HERC1: variants seen among roughly 807,000 people sequenced by gnomAD.
HERC1 encodes probable E3 ubiquitin-protein ligase HERC1.
Under a neutral mutation model 554.3 loss-of-function variants are expected in HERC1, and 160 were observed. That is an observed-to-expected ratio of 0.29 (90% CI 0.25 to 0.33). The LOEUF is 0.33. Ranked by LOEUF, HERC1 falls within the 10% of genes least tolerant of loss-of-function variation. The pLI is 1.00. For synonymous variants in HERC1, 2,175 were observed against 2,131.7 expected (o/e 1.02, Z -0.56); for missense variants, 4,919 against 5,918.5 (o/e 0.83, Z 5.54).
In HERC1 at chr15:63,674,912, C is replaced by G; in HGVS notation, c.7276G>C (p.Gly2426Arg). 1 of 1,614,028 alleles carries G rather than the reference C, an allele frequency of 6.2e-7. No individual in the cohort carries two copies. The highest frequency in any genetic ancestry group is 8.5e-7 in the Non-Finnish European group (1 of 1,179,876). ...KKHRHESEEK[G>R]DVEQKPESES... ...CTCTCAGGTTTCTGCTCAACATCCC[C>G]TTTCTCCTCGGATTCATGTCGGTGT... Residue 2426 changes from glycine (G) to arginine (R), a missense_variant, in exon 38 of 78, where the codon GGG becomes CGG. By Grantham distance (125) the Gly-to-Arg change is moderately radical. Around this residue, in one of 11 missense-constraint regions of HERC1, gnomAD observed 1,963 missense variants for 2,228.6 expected, o/e 0.88. Coordinates refer to ENST00000443617, the MANE Select transcript of HERC1 (RefSeq NM_003922.4).
intron 4 of HERC1, among the ~76,000 whole-genome samples, chr15:63,757,195 A>G (rs2075445747): frequency 1.3e-5 from 2 of 148,358 alleles, no homozygotes; most frequent in African/African-American, 5.0e-5. Flanking sequence ...CTACAAATGT[A>G]AAAAAAAAAG....
Position 63,713,509 on chromosome 15 carries a change from T to A in HERC1, c.4307A>T (p.Asp1436Val). The change falls in exon 23 of 78, where the codon GAT becomes GTT. Residue 1436 changes from aspartate (D) to valine (V), a missense_variant. Physicochemically the swap from Asp to Val is radical, Grantham distance 152. Transcript: ENST00000443617. ...RVSTDLPEGQ[D>V]VYTAACNSVI... ...GGAGTTGCATGCAGCAGTGTACACA[T>A]CCTGACCCTCAGGAAGGTCTGTGCT... 1 of 1,613,988 alleles carries A rather than the reference T, an allele frequency of 6.2e-7. No individual in the cohort carries two copies. Among genetic ancestry groups the A allele is most frequent in the Non-Finnish European group, 8.5e-7 (1 of 1,179,890 alleles).
chr15:63,682,939 C>A (rs2071551554), intron 34 of HERC1, among the ~76,000 whole-genome samples: 1 of 151,728 alleles, frequency 6.6e-6, no homozygotes. Context: ...AGTTCAAGTC[C>A]AGCCTGGCCA....
intron 1 of HERC1, among the ~76,000 whole-genome samples, chr15:63,826,801 AAAAAAAAAAAAAAATATATATAT>A (rs1266152401): frequency 5.9e-5 from 5 of 84,146 alleles, no homozygotes; most frequent in African/African-American, 1.6e-4. Context: ...AAAAAAAAAA[AAAAAAAAAAAAAAATATATATAT>A]ATATATATAT....
chr15:63,761,953 A>T (rs1002252659), intron 3 of HERC1, among the ~76,000 whole-genome samples: 4 of 152,238 alleles, frequency 2.6e-5, no homozygotes, highest in Admixed American at 2.6e-4. Flanking sequence ...ATGTATACAC[A>T]TCCTAGCTCT....
intron 1 of HERC1, among the ~76,000 whole-genome samples, chr15:63,818,256 T>C (rs1163343840): frequency 6.6e-6 from 1 of 152,210 alleles, no homozygotes; most frequent in Non-Finnish European, 1.5e-5. Context: ...TTTCTAGTCC[T>C]ATGGGCCTAT....
chr15:63,796,688 A>G (rs1388395650), intron 1 of HERC1, among the ~76,000 whole-genome samples: 2 of 152,232 alleles, frequency 1.3e-5, no homozygotes, highest in Non-Finnish European at 2.9e-5. Context: ...TAAAATGTCC[A>G]TTGATTCAGT....
chr15:63,689,982 G>T (rs919366926), intron 32 of HERC1, among the ~76,000 whole-genome samples: 1 of 151,834 alleles, frequency 6.6e-6, no homozygotes, highest in African/African-American at 2.4e-5. Flanking sequence ...TGGCCAACAT[G>T]GTGAAACCCC....
chr15:63,674,692 G>T lies in HERC1; in HGVS notation c.7496C>A (p.Ala2499Asp). ...HEHMSKNHDV[A>D]QSEIRAVQLS... ...CTGGACTGCTCTGATTTCTGACTGG[G>T]CTACATCATGGTTTTTGGACATGTG... Residue 2499 changes from alanine (A) to aspartate (D), a missense_variant, in exon 38 of 78, where the codon GCC (alanine) becomes GAC (aspartate). Ala to Asp is a moderately radical substitution (Grantham distance 126). Coordinates refer to ENST00000443617, the MANE Select transcript of HERC1 (RefSeq NM_003922.4). 2 of 1,613,700 alleles carry T rather than the reference G, an allele frequency of 1.2e-6. No homozygotes were observed. Among genetic ancestry groups the T allele is most frequent in the Non-Finnish European group, 1.7e-6 (2 of 1,179,740 alleles).
At chr15:63,820,553 A>G (rs1381594074) in intron 1 of HERC1, among the ~76,000 whole-genome samples, 1 of 152,228 alleles carries the variant, frequency 6.6e-6, no homozygotes, top group Non-Finnish European at 1.5e-5. Flanking sequence ...GCCATCACCA[A>G]AGAGTTTTAT....
chr15:63,648,015 T>C, intron 55 of HERC1, 54 bp downstream of exon 55: 1 of 1,416,954 alleles, frequency 7.1e-7, no homozygotes. Flanking sequence ...TCTATGCATG[T>C]AACAAAATTA....
intron 63 of HERC1, among the ~76,000 whole-genome samples, 161 bp from the exon 64 acceptor site, chr15:63,637,804 T>C (rs1381222558): frequency 6.6e-6 from 1 of 152,140 alleles, no homozygotes; most frequent in Non-Finnish European, 1.5e-5. Flanking sequence ...CCGTAACTCC[T>C]TGATGACTAT....
At chr15:63,820,204 T>C (rs1325493878) in intron 1 of HERC1, among the ~76,000 whole-genome samples, 1 of 152,170 alleles carries the variant, frequency 6.6e-6, no homozygotes, top group African/African-American at 2.4e-5. Flanking sequence ...GTTATTCCTT[T>C]ATATGTGCAT....
rs2075419224 is a variant in HERC1 at position 63,756,290 on chromosome 15, CTGTAAACTGT to C, written c.1533+137_1533+146del. On this transcript the variant is annotated intron_variant, in intron 5 of 77. Transcript: ENST00000443617. The surrounding 1 kb of genome is among the most constrained non-coding windows in gnomAD (Gnocchi z 5.0). ...ATTCAATAATGTATACAAAGGTGTTCTGTAAACTGTAAAGCAGAGATACAAAAGATTAAGC... is the reference window on the plus strand; with the variant it reads ...ATTCAATAATGTATACAAAGGTGTTCAAAGCAGAGATACAAAAGATTAAGC... The C allele has an allele frequency of 3.2e-6, 2 of 633,468 alleles. No homozygotes were observed. Among genetic ancestry groups the C allele is most frequent in the Non-Finnish European group, 5.6e-6 (2 of 356,282 alleles). 39.2% of individuals were successfully genotyped at this position (633,468 alleles called of 1,614,324 possible). A position where few individuals can be genotyped will look rare whatever the true frequency, so the allele number is the denominator to read the frequency against.
intron 69 of HERC1, 137 bp from the exon 70 acceptor site, chr15:63,628,952 T>TA: frequency 2.7e-6 from 2 of 729,056 alleles, no homozygotes; most frequent in Non-Finnish European, 4.2e-6. Flanking sequence ...TAAAACACAT[T>TA]CTTTTTTTTT....
chr15:63,622,145 C>G (rs1171459960), intron 74 of HERC1, among the ~76,000 whole-genome samples: 1 of 152,102 alleles, frequency 6.6e-6, no homozygotes, highest in Non-Finnish European at 1.5e-5. Context: ...AATTTTGTGA[C>G]TTGCTAGCAT....
chr15:63,612,332 C>T lies in HERC1; in HGVS notation c.14319G>A (p.Met4773Ile). 6.2e-7 allele frequency: 1 copy of T among 1,614,034 alleles called. No individual in the cohort carries two copies. Among genetic ancestry groups the T allele is most frequent in the Non-Finnish European group, 8.5e-7 (1 of 1,179,884 alleles). Residue 4773 changes from methionine to isoleucine, a missense_variant, in exon 77 of 78, where the codon ATG becomes ATA. Met to Ile is a conservative substitution (Grantham distance 10). Around this residue, in one of 11 missense-constraint regions of HERC1, gnomAD observed 284 missense variants for 294.1 expected, o/e 0.97. Coordinates refer to ENST00000443617, the MANE Select transcript of HERC1 (RefSeq NM_003922.4). This position sits in a 1 kb window ranked among gnomAD's most constrained non-coding sequence, Gnocchi z 5.0. ...EFSNEERVLF[M>I]RFVSGRSRLP... ...GTCGAGATCTTCCTGACACAAACCT[C>T]ATGAAAAGCACCCGCTCCTCATTGG... is the stretch of plus-strand genomic sequence containing the variant.
intron 40 of HERC1, among the ~76,000 whole-genome samples, chr15:63,668,460 G>A (rs906391667): frequency 1.3e-5 from 2 of 152,152 alleles, no homozygotes; most frequent in Non-Finnish European, 2.9e-5. Flanking sequence ...TCCAGCCCGG[G>A]TGACAGAGCA....
chr15:63,802,414 G>A (rs2077023559), intron 1 of HERC1, among the ~76,000 whole-genome samples: 1 of 152,212 alleles, frequency 6.6e-6, no homozygotes, highest in Non-Finnish European at 1.5e-5. Flanking sequence ...CCTGGAAACA[G>A]ACGTGCCTAT....
Sources: gnomAD v4.1 joint callset for allele counts (sites outside exome capture counted in the v4.1 genomes callset) on GRCh38, gnomAD v4.1.1 for gene constraint, gnomAD v4.1.1 regional missense constraint, Gnocchi (gnomAD v3.1) non-coding constraint, MANE v1.5 for transcripts, NCBI Gene and HGNC (gene_info 2026-07-23, HGNC 2026-07-21) for gene names.